DENND2A: variants seen among roughly 807,000 people sequenced by gnomAD.
DENND2A encodes DENN domain-containing protein 2A.
DENND2A carries 53 observed loss-of-function variants against 105.3 expected under a neutral mutation model. That is an observed-to-expected ratio of 0.50 (90% CI 0.40 to 0.63). The LOEUF is 0.63. Ranked by LOEUF, DENND2A falls within the 30% of genes least tolerant of loss-of-function variation. The pLI is 0.00. For missense variants in DENND2A, 1,138 were observed against 1,279.6 expected (o/e 0.89, Z 1.69); for synonymous variants, 522 against 508.4 (o/e 1.03, Z -0.36).
Position 140,562,618 on chromosome 7 carries a change from T to C in DENND2A, c.1780-2801A>G, listed in dbSNP as rs544564149. ...CAGAGCTTGCAGTGAGCGGAGATCA[T>C]GCCGCAGCACTCCAGCCTGGGTGAC... On this transcript the variant is annotated intron_variant, in intron 9 of 19. Coordinates refer to ENST00000496613, the MANE Select transcript of DENND2A (RefSeq NM_015689.5). Among the ~76,000 whole-genome samples the C allele has an allele frequency of 2.0e-5, 3 of 152,138 alleles. No individual in the cohort carries two copies. The South Asian group carries it at 6.2e-4, about 32-fold the overall frequency.
chr7:140,558,296 A>T, intron 10 of DENND2A, 84 bp from the exon 11 acceptor site: 1 of 1,093,590 alleles, frequency 9.1e-7, no homozygotes, highest in Non-Finnish European at 1.4e-6. Context: ...GGTGGCAGTG[A>T]GCAGCCATGG....
Position 140,567,130 on chromosome 7 carries a change from C to T in DENND2A, c.1735G>A (p.Gly579Arg), listed in dbSNP as rs1356614461. ...GTGAGTTCTGGCACGTAGGCAGCCC[C>T]GGCCTGCTTCTTGTGCAAAGACACA... ...VVVSLHKKQA[G>R]AAYVPELTQQ... Residue 579 changes from glycine to arginine, a missense_variant, in exon 9 of 20, where the codon GGG (glycine) becomes AGG (arginine). Physicochemically the swap from Gly to Arg is moderately radical, Grantham distance 125 (BLOSUM62 -2). Transcript: ENST00000496613. 10 of 1,609,040 alleles carry T rather than the reference C, an allele frequency of 6.2e-6. No homozygotes were observed. Among genetic ancestry groups the T allele is most frequent in the South Asian group, 3.3e-5 (3 of 89,796 alleles).
chr7:140,585,538 G>A, intron 5 of DENND2A, 51 bp downstream of exon 5: 1 of 1,611,226 alleles, frequency 6.2e-7, no homozygotes, highest in Non-Finnish European at 8.5e-7. Context: ...AGTGCTCAAG[G>A]CCACCATGCT....
rs781723195 is a variant in DENND2A, at chr7:140,544,711, G to C, written c.2234C>G (p.Ser745Cys). 1 of 1,612,628 alleles carries C rather than the reference G, an allele frequency of 6.2e-7. No homozygotes were observed. Among genetic ancestry groups the C allele is most frequent in the Non-Finnish European group, 8.5e-7 (1 of 1,179,440 alleles). Reference protein sequence around the residue: ...DSRLEHVDFESLFSSLSVRHL... With the variant: ...DSRLEHVDFECLFSSLSVRHL... ...GCGGACGCTGAGGGAGGAGAAGAGA[G>C]ACTCAAAGTCCACGTGCTCGAGCCG... The change falls in exon 14 of 20, where the codon TCT becomes TGT. Residue 745 changes from serine (S) to cysteine (C), a missense_variant. Ser to Cys is a moderately radical substitution (Grantham distance 112, BLOSUM62 -1). Around this residue, in one of 2 missense-constraint regions of DENND2A, gnomAD observed 627 missense variants for 779.8 expected, o/e 0.80. Transcript: ENST00000496613.
At chr7:140,631,139 C>G (rs970517270) in intron 1 of DENND2A, among the ~76,000 whole-genome samples, 2 of 152,118 alleles carry the variant, frequency 1.3e-5, no homozygotes, top group African/African-American at 2.4e-5. Flanking sequence ...TTAGTGAGAT[C>G]AAGAAGCATG....
chr7:140,554,023 C>G (rs1349770769), intron 12 of DENND2A, among the ~76,000 whole-genome samples: 2 of 150,436 alleles, frequency 1.3e-5, no homozygotes, highest in Non-Finnish European at 3.0e-5. Flanking sequence ...GTCAGGAGAT[C>G]AAGACCATCC....
chr7:140,616,926 C>A (rs1563180575), intron 1 of DENND2A, among the ~76,000 whole-genome samples: 1 of 152,188 alleles, frequency 6.6e-6, no homozygotes, highest in Non-Finnish European at 1.5e-5. Context: ...GGTACCATCT[C>A]AGCTCACTGC....
rs901460061 is a variant in DENND2A at position 140,627,103 on chromosome 7, G to A, written c.-248+13401C>T. Among the ~76,000 whole-genome samples the A allele has an allele frequency of 5.3e-5, 8 of 152,302 alleles. No homozygotes were observed. The East Asian group carries it at 5.8e-4, about 11-fold the overall frequency. On this transcript the variant is annotated intron_variant, in intron 1 of 19. Transcript: ENST00000496613. Reference sequence around the variant, plus strand: ...GCACAGTGCATAGCCCAGAAAAAGCGCTCAGCAAATGTCTTCCATTATTCT... The same window carrying A: ...GCACAGTGCATAGCCCAGAAAAAGCACTCAGCAAATGTCTTCCATTATTCT...
Position 140,587,790 on chromosome 7 carries a change from G to A in DENND2A, c.996-10C>T. The A allele has an allele frequency of 6.5e-7, 1 of 1,544,408 alleles. No homozygotes were observed. The highest frequency in any genetic ancestry group is 8.8e-7 in the Non-Finnish European group (1 of 1,139,370). The stretch of plus-strand genomic sequence containing the variant: ...AAACTCATAGGACTTTCTGGAATGT[G>A]CCAGATGGGAGGAAAAAACAAAGAA... On this transcript the variant is annotated splice_polypyrimidine_tract_variant and intron_variant, in intron 3 of 19. Coordinates refer to ENST00000496613, the MANE Select transcript of DENND2A (RefSeq NM_015689.5).
rs538986763 is a variant in DENND2A at position 140,622,502 on chromosome 7, G to T, written c.-247-16696C>A. On this transcript the variant is annotated intron_variant, in intron 1 of 19. Transcript: ENST00000496613. ...TATCCAAATTCACCAAGTTTTCACA[G>T]CCCCTCCTCCTCAGACTTGTTAAAA... 8.5e-5 allele frequency among the ~76,000 whole-genome samples: 13 copies of T among 152,188 alleles called. No individual in the cohort carries two copies. In the South Asian group the frequency reaches 1.4e-3, roughly 17 times the overall value.
intron 5 of DENND2A, among the ~76,000 whole-genome samples, chr7:140,579,537 C>T (rs77780088): frequency 6.6e-6 from 1 of 151,688 alleles, no homozygotes; most frequent in African/African-American, 2.4e-5. Context: ...GGATTACAGG[C>T]GCACACCACT....
In DENND2A at chr7:140,640,482, C is replaced by A. The variant is rs1431932161; in HGVS notation, c.-248+22G>T. The A allele has an allele frequency of 6.6e-6, 1 of 151,750 alleles. No individual in the cohort carries two copies. Among genetic ancestry groups the A allele is most frequent in the African/African-American group, 2.4e-5 (1 of 41,342 alleles). 9.4% of individuals were successfully genotyped at this position (151,750 alleles called of 1,614,324 possible). A position where few individuals can be genotyped will look rare whatever the true frequency, so the allele number is the denominator to read the frequency against. The stretch of plus-strand genomic sequence containing the variant: ...TCCCTCCCCAGCTCGACCCTGCACC[C>A]CCTGGCCCGGCCCGGCCCTACCTCC... On this transcript the variant is annotated intron_variant, in intron 1 of 19. Coordinates refer to ENST00000496613, the MANE Select transcript of DENND2A (RefSeq NM_015689.5). This position sits in a 1 kb window ranked among gnomAD's most constrained non-coding sequence, Gnocchi z 4.9.
chr7:140,533,674 A>C (rs564853747), intron 14 of DENND2A, among the ~76,000 whole-genome samples: 1 of 152,266 alleles, frequency 6.6e-6, no homozygotes, highest in Non-Finnish European at 1.5e-5. Context: ...AGAAATGATG[A>C]CGACTCGGCT....
At chr7:140,592,361 C>T (rs2130663622) in intron 3 of DENND2A, among the ~76,000 whole-genome samples, 1 of 152,030 alleles carries the variant, frequency 6.6e-6, no homozygotes, top group African/African-American at 2.4e-5. Context: ...CGCCTGCCAC[C>T]ATGCCCAGCT....
At chr7:140,522,219 C>T (rs566338646) in intron 17 of DENND2A, 119 bp from the exon 18 acceptor site, 13 of 1,325,626 alleles carry the variant, frequency 9.8e-6, no homozygotes, top group African/African-American at 4.4e-5. Flanking sequence ...ATGGAAACTG[C>T]GATTATCCAG....
chr7:140,556,966 C>A (rs73491552), intron 11 of DENND2A, among the ~76,000 whole-genome samples: 3,678 of 151,980 alleles, frequency 0.024, 148 homozygotes, highest in African/African-American at 0.084. Flanking sequence ...AGGGGACATT[C>A]TTGAATTATT....
In DENND2A at chr7:140,536,672, AT is replaced by A. The variant is rs527666852; in HGVS notation, c.2327+7945del. On this transcript the variant is annotated intron_variant, in intron 14 of 19. Transcript: ENST00000496613. ...TGTACAATTATACTATTAAAATTGT[AT>A]TTTTTTTTTGAAATGGAGTCTTGCT... 2.7e-3 allele frequency among the ~76,000 whole-genome samples: 407 copies of A among 150,108 alleles called. 2 individuals are homozygous for A. Among genetic ancestry groups the A allele is most frequent in the African/African-American group, 9.1e-3 (372 of 41,006 alleles).
intron 1 of DENND2A, among the ~76,000 whole-genome samples, chr7:140,621,514 A>G (rs1800292191): frequency 6.8e-6 from 1 of 147,580 alleles, no homozygotes; most frequent in African/African-American, 2.5e-5. Flanking sequence ...CACATCTGCA[A>G]TGTAACACGT....
In DENND2A at chr7:140,527,355, C is replaced by T; in HGVS notation, c.2468G>A (p.Ser823Asn). The T allele has an allele frequency of 6.2e-7, 1 of 1,600,224 alleles. No individual in the cohort carries two copies. ...PTPFLIGLLS[S>N]SLPLLRELPL... ...CAGCTCCCTGAGCAGTGGCAGCGAG[C>T]TGGAGAGCAGCCCGATGAGGAAGGG... Residue 823 changes from serine to asparagine, a missense_variant, in exon 15 of 20, where the codon AGC becomes AAC. By Grantham distance (46) the Ser-to-Asn change is conservative. Transcript: ENST00000496613. This position sits in a 1 kb window ranked among gnomAD's most constrained non-coding sequence, Gnocchi z 4.9.
Sources: gnomAD v4.1 joint callset for allele counts (sites outside exome capture counted in the v4.1 genomes callset) on GRCh38, gnomAD v4.1.1 for gene constraint, gnomAD v4.1.1 regional missense constraint, Gnocchi (gnomAD v3.1) non-coding constraint, MANE v1.5 for transcripts, NCBI Gene and HGNC (gene_info 2026-07-23, HGNC 2026-07-21) for gene names.